TMEM163: variants seen among roughly 807,000 people sequenced by gnomAD.
TMEM163 encodes the protein transmembrane protein 163.
A neutral mutation model predicts 29.3 loss-of-function variants in TMEM163; 17 were observed. The ratio of observed to expected loss-of-function variants is 0.58; its 90% CI spans 0.40 to 0.87. The LOEUF is 0.87. TMEM163 is among the 40% of genes least tolerant of loss of function. The probability of loss-of-function intolerance (pLI) is 0.00; values close to 1 mark genes in which losing one functional copy is unlikely to be tolerated. For missense variants in TMEM163, 303 were observed against 381.5 expected (o/e 0.79, Z 1.71); for synonymous variants, 157 against 160.6 (o/e 0.98, Z 0.17).
At chr2:134,565,611 A>G (rs75195157) in intron 2 of TMEM163, among the ~76,000 whole-genome samples, 1 of 126,872 alleles carries the variant, frequency 7.9e-6, no homozygotes, top group Non-Finnish European at 1.6e-5. Flanking sequence ...CTGTCTCCAG[A>G]AAAAAAAAAA....
At chr2:134,514,903 T>C (rs1680025484) in intron 4 of TMEM163, among the ~76,000 whole-genome samples, 1 of 152,222 alleles carries the variant, frequency 6.6e-6, no homozygotes, top group Non-Finnish European at 1.5e-5. Context: ...CTATTCCTTC[T>C]GCCTAAAACC....
At chr2:134,554,842 G>A (rs1232855567) in intron 2 of TMEM163, among the ~76,000 whole-genome samples, 1 of 152,180 alleles carries the variant, frequency 6.6e-6, no homozygotes, top group Non-Finnish European at 1.5e-5. Context: ...TGGAATATTA[G>A]TATTCTCTAT....
At chr2:134,543,349 C>G (rs12464492) in intron 4 of TMEM163, among the ~76,000 whole-genome samples, 1 of 152,086 alleles carries the variant, frequency 6.6e-6, no homozygotes, top group Non-Finnish European at 1.5e-5. Context: ...CATCAGCCAT[C>G]GAGGGCATCT....
intron 4 of TMEM163, among the ~76,000 whole-genome samples, chr2:134,526,405 T>G (rs1293237906): frequency 6.6e-6 from 1 of 151,912 alleles, no homozygotes. Flanking sequence ...TCAACACAAT[T>G]CCACATCCTA....
chr2:134,605,763 A>G (rs777386303), intron 2 of TMEM163, among the ~76,000 whole-genome samples: 1 of 152,074 alleles, frequency 6.6e-6, no homozygotes, highest in Admixed American at 6.6e-5. Context: ...AGAAAAGAAA[A>G]GATGTGACAC....
At chr2:134,497,287 C>G (rs1679590865) in intron 5 of TMEM163, among the ~76,000 whole-genome samples, 1 of 152,198 alleles carries the variant, frequency 6.6e-6, no homozygotes, top group African/African-American at 2.4e-5. Flanking sequence ...AGTGCCTAGA[C>G]AGAGGGTTGG....
At position 134,707,815 on chromosome 2, in the gene TMEM163, C is replaced by G. The variant is rs1684848767; in HGVS notation, c.322+5385G>C. 1.3e-5 allele frequency among the ~76,000 whole-genome samples: 2 copies of G among 150,934 alleles called. 1 individual carries two copies. The highest frequency in any genetic ancestry group is 3.9e-4 in the East Asian group (2 of 5,146). ...TGTGAGATCCGTGAGATGGGTTGCCCAAAGGACATGGGCTCCAGTCCTGAG... is the reference window on the plus strand; with the variant it reads ...TGTGAGATCCGTGAGATGGGTTGCCGAAAGGACATGGGCTCCAGTCCTGAG... On this transcript the variant is annotated intron_variant, in intron 2 of 7. Coordinates refer to ENST00000281924, the MANE Select transcript of TMEM163 (RefSeq NM_030923.5).
chr2:134,568,628 G>C (rs1681353197), intron 2 of TMEM163, among the ~76,000 whole-genome samples: 1 of 116,202 alleles, frequency 8.6e-6, no homozygotes, highest in Admixed American at 8.8e-5. Flanking sequence ...AAAGAAAAAA[G>C]AAAGAAGAAA....
chr2:134,641,385 T>G (rs146822883), intron 2 of TMEM163, among the ~76,000 whole-genome samples: 2,101 of 152,216 alleles, frequency 0.014, 52 homozygotes, highest in African/African-American at 0.048. Flanking sequence ...ACTATAAAAC[T>G]TCTAGAAGGA....
At chr2:134,687,597 C>T (rs1284558091) in intron 2 of TMEM163, among the ~76,000 whole-genome samples, 2 of 152,128 alleles carry the variant, frequency 1.3e-5, no homozygotes, top group South Asian at 2.1e-4. Flanking sequence ...TGGCAAAACT[C>T]GTTCTTAAAT....
At chr2:134,518,370 TGCCTCAATCACTAGTACAA>T (rs1680118881) in intron 4 of TMEM163, among the ~76,000 whole-genome samples, 1 of 152,240 alleles carries the variant, frequency 6.6e-6, no homozygotes, top group Non-Finnish European at 1.5e-5. Flanking sequence ...TATTGGTTTG[TGCCTCAATCACTAGTACAA>T]GTAAAAGATC....
chr2:134,682,305 C>G (rs1298549686), intron 2 of TMEM163, among the ~76,000 whole-genome samples: 1 of 152,166 alleles, frequency 6.6e-6, no homozygotes. Context: ...TTTCCCTTAT[C>G]ACTTCACAAA....
chr2:134,704,119 G>A (rs1684757528), intron 2 of TMEM163, among the ~76,000 whole-genome samples: 1 of 152,046 alleles, frequency 6.6e-6, no homozygotes, highest in South Asian at 2.1e-4. Context: ...GACACCTACT[G>A]GGCCTTGGTC....
intron 4 of TMEM163, among the ~76,000 whole-genome samples, chr2:134,522,048 G>A (rs893537976): frequency 3.9e-5 from 6 of 152,248 alleles, no homozygotes; most frequent in African/African-American, 1.4e-4. Flanking sequence ...CCTTCTGTCC[G>A]TTTCTCCGAA....
At chr2:134,587,324 A>T (rs1351231622) in intron 2 of TMEM163, among the ~76,000 whole-genome samples, 2 of 152,212 alleles carry the variant, frequency 1.3e-5, no homozygotes, top group African/African-American at 4.8e-5. Flanking sequence ...AGGCAGGAGA[A>T]TTGCTTGAAC....
intron 2 of TMEM163, among the ~76,000 whole-genome samples, chr2:134,562,431 C>A (rs149722727): frequency 1.8e-4 from 28 of 152,300 alleles, no homozygotes; most frequent in Non-Finnish European, 3.5e-4. Context: ...AGACCAGAAC[C>A]AAAAGCTAAC....
chr2:134,596,926 G>A (rs1682098898), intron 2 of TMEM163, among the ~76,000 whole-genome samples: 1 of 152,136 alleles, frequency 6.6e-6, no homozygotes. Flanking sequence ...TCTGCTATTG[G>A]TGTATAAGAA....
chr2:134,521,626 C>T (rs1680190721), intron 4 of TMEM163, among the ~76,000 whole-genome samples: 1 of 152,194 alleles, frequency 6.6e-6, no homozygotes, highest in Non-Finnish European at 1.5e-5. Context: ...CTGGGGCCAA[C>T]CCACAAAGCC....
At chr2:134,631,696 G>A (rs1025389492) in intron 2 of TMEM163, among the ~76,000 whole-genome samples, 1 of 152,132 alleles carries the variant, frequency 6.6e-6, no homozygotes, top group African/African-American at 2.4e-5. Context: ...CTGGGCCTTG[G>A]CTAAAGACAA....
Sources: allele counts gnomAD v4.1 joint callset (sites outside exome capture counted in the v4.1 genomes callset), GRCh38; gene constraint gnomAD v4.1.1; transcripts MANE v1.5; gene names NCBI Gene and HGNC (gene_info 2026-07-23, HGNC 2026-07-21).